The following SYNE2 variants were observed in gnomAD, a reference collection of about 807,000 sequenced individuals.
SYNE2 encodes the protein spectrin repeat containing nuclear envelope protein 2, also known as nesprin-2.
Under a neutral mutation model 856.3 loss-of-function variants are expected in SYNE2, and 431 were observed. The observed-to-expected ratio is 0.50, with a 90% CI of 0.47 to 0.55. The LOEUF is 0.55. SYNE2 is among the 20% of genes least tolerant of loss of function. The pLI, the probability that SYNE2 is intolerant of heterozygous loss-of-function variation, is 0.00. For missense variants in SYNE2, 8,129 were observed against 8,023.2 expected, an observed-to-expected ratio of 1.01 and a Z score of -0.50; for synonymous variants, 2,923 against 2,872.3, an observed-to-expected ratio of 1.02 and a Z score of -0.56.
At chr14:63,776,035 C>T (rs1194899213) in intron 1 of SYNE2, among the ~76,000 whole-genome samples, 1 of 152,152 alleles carries the variant, frequency 6.6e-6, no homozygotes, top group Admixed American at 6.6e-5. Context: ...TCTTAATTCA[C>T]TGGAGACTTT....
At chr14:64,219,437 G>C in intron 110 of SYNE2, 27 bp downstream of exon 110, 1 of 1,610,264 alleles carries the variant, frequency 6.2e-7, no homozygotes, top group African/African-American at 1.3e-5. Flanking sequence ...GTGGGGAAGA[G>C]GGATTCAGAA....
In SYNE2 at chr14:64,075,928, T is replaced by A. The variant is rs763741247; in HGVS notation, c.10867-17T>A. On this transcript the variant is annotated splice_polypyrimidine_tract_variant and intron_variant, in intron 53 of 115. Coordinates refer to ENST00000555002, the MANE Select transcript of SYNE2 (RefSeq NM_182914.3). ...CCCCCAGTCTCGTGAGTATTGCAAC[T>A]CTCTTAATGCTTTTAGGAGCTTCAA... The A allele has an allele frequency of 6.2e-7, 1 of 1,613,310 alleles. No individual in the cohort carries two copies. Among genetic ancestry groups the A allele is most frequent in the Admixed American group, 1.7e-5 (1 of 60,022 alleles).
Position 64,004,455 on chromosome 14 carries a change from C to T in SYNE2, c.4397+1125C>T, listed in dbSNP as rs187044114. ...AGGCGATTCTTCTACCTCAGCCCCC[C>T]AGTAGCTGGGATTACAGGCACGCGC... On this transcript the variant is annotated intron_variant, in intron 30 of 115. Transcript: ENST00000555002. 6.7e-5 allele frequency among the ~76,000 whole-genome samples: 10 copies of T among 150,362 alleles called. 1 individual carries two copies. The highest frequency in any genetic ancestry group is 7.2e-3 in the Middle Eastern group (2 of 278).
chr14:64,161,795 A>G (rs1483095191), intron 87 of SYNE2, among the ~76,000 whole-genome samples: 1 of 152,184 alleles, frequency 6.6e-6, no homozygotes, highest in Non-Finnish European at 1.5e-5. Context: ...CTCTTAAAAA[A>G]AGAGAGTGAA....
intron 11 of SYNE2, among the ~76,000 whole-genome samples, chr14:63,970,328 A>G (rs1271383923): frequency 1.3e-5 from 2 of 152,154 alleles, no homozygotes; most frequent in African/African-American, 4.8e-5. Context: ...AGCTGAGACA[A>G]CTGGTGTGTG....
chr14:64,055,367 CT>C (rs35956880), intron 48 of SYNE2, among the ~76,000 whole-genome samples: 1,964 of 131,874 alleles, frequency 0.015, 18 homozygotes, highest in African/African-American at 0.049. Context: ...CTGAAAATAA[CT>C]TTTTTTTTTT....
At chr14:64,221,939 A>G (rs372209286) in intron 112 of SYNE2, among the ~76,000 whole-genome samples, 2 of 152,132 alleles carry the variant, frequency 1.3e-5, no homozygotes, top group East Asian at 3.8e-4. Context: ...AACTGAGGAC[A>G]TAGGTGCTCT....
At chr14:64,100,667 A>T (rs763146919) in intron 63 of SYNE2, among the ~76,000 whole-genome samples, 209 of 145,744 alleles carry the variant, frequency 1.4e-3, no homozygotes, top group Non-Finnish European at 2.0e-3. Flanking sequence ...CTCACATACC[A>T]TTTTTTTTTG....
chr14:63,956,489 G>A (rs1240651436), intron 8 of SYNE2: 1 of 455,470 alleles, frequency 2.2e-6, no homozygotes, highest in East Asian at 7.0e-5. Flanking sequence ...GAGTCAGCTA[G>A]TTCCAGCACA....
intron 83 of SYNE2, among the ~76,000 whole-genome samples, chr14:64,145,646 T>A (rs2098178263): frequency 6.6e-6 from 1 of 152,016 alleles, no homozygotes; most frequent in African/African-American, 2.4e-5. Flanking sequence ...TTAAAGACAA[T>A]GATTATTTTA....
chr14:63,943,441 C>G (rs1055878203), intron 6 of SYNE2, among the ~76,000 whole-genome samples: 1 of 151,866 alleles, frequency 6.6e-6, no homozygotes, highest in Non-Finnish European at 1.5e-5. Flanking sequence ...TTTAGAAAAA[C>G]TAGAAAAATA....
chr14:64,051,685 T>C lies in SYNE2; in HGVS notation c.7772T>C (p.Met2591Thr), dbSNP rs781391751. ...AATTTATCAAACCACGTGACTGACA[T>C]GGATAAGAAATTGTTGGAAAGCCAG... The part of the protein sequence containing the change: ...WENLSNHVTD[M>T]DKKLLESQIK... Residue 2591 changes from methionine to threonine, a missense_variant, in exon 48 of 116, where the codon ATG becomes ACG. This residue lies in a region of SYNE2 where 5,410 missense variants were observed against 5,284.8 expected (regional missense o/e 1.02). Coordinates refer to ENST00000555002, the MANE Select transcript of SYNE2 (RefSeq NM_182914.3). 1.2e-6 allele frequency: 2 copies of C among 1,614,104 alleles called. No homozygotes were observed. The highest frequency in any genetic ancestry group is 1.7e-5 in the Admixed American group (1 of 60,006).
intron 45 of SYNE2, among the ~76,000 whole-genome samples, chr14:64,041,040 G>A (rs2097144694): frequency 1.8e-4 from 27 of 152,048 alleles, no homozygotes; most frequent in Admixed American, 1.8e-3. Flanking sequence ...AAGTCAGAAG[G>A]CAGTGCAAAT....
At chr14:63,864,012 G>C (rs980896523) in intron 1 of SYNE2, among the ~76,000 whole-genome samples, 1 of 152,010 alleles carries the variant, frequency 6.6e-6, no homozygotes, top group African/African-American at 2.4e-5. Context: ...TCGTAGAAAC[G>C]GGGTTAGCCA....
chr14:64,187,149 T>C (rs1423637753), intron 97 of SYNE2, among the ~76,000 whole-genome samples: 1 of 152,242 alleles, frequency 6.6e-6, no homozygotes, highest in Non-Finnish European at 1.5e-5. Flanking sequence ...AATAGAGTAT[T>C]ACACGGTATA....
chr14:63,998,531 T>C (rs1237116155), intron 26 of SYNE2, among the ~76,000 whole-genome samples: 1 of 152,230 alleles, frequency 6.6e-6, no homozygotes, highest in Non-Finnish European at 1.5e-5. Flanking sequence ...TTTCTTATTT[T>C]TTTGTTTGTT....
rs116085962 is a variant in SYNE2, at chr14:64,216,227, G to C, written c.19403-21G>C. 1.7e-4 allele frequency: 278 copies of C among 1,613,824 alleles called. No individual in the cohort carries two copies. The African/African-American group carries it at 3.3e-3, about 19-fold the overall frequency. On this transcript the variant is annotated intron_variant, in intron 107 of 115. Transcript: ENST00000555002. ...GTTCAGTAGGAGAGAATAGACTGTCGCTTGCTGTCTTTCGTTTCAGGTAAA... is the reference window on the plus strand; with the variant it reads ...GTTCAGTAGGAGAGAATAGACTGTCCCTTGCTGTCTTTCGTTTCAGGTAAA...
At chr14:63,831,164 T>C (rs950431460) in intron 1 of SYNE2, among the ~76,000 whole-genome samples, 3 of 152,036 alleles carry the variant, frequency 2.0e-5, no homozygotes, top group Admixed American at 1.3e-4. Context: ...TTTGAATCTC[T>C]ATTTTGGCGA....
chr14:64,044,437 T>G (rs1239675244), intron 45 of SYNE2, among the ~76,000 whole-genome samples: 1 of 152,198 alleles, frequency 6.6e-6, no homozygotes, highest in Admixed American at 6.5e-5. Flanking sequence ...TGTCTCAGAT[T>G]ACACTTTTGA....
Sources: allele counts gnomAD v4.1 joint callset (sites outside exome capture counted in the v4.1 genomes callset), GRCh38; gene constraint gnomAD v4.1.1; regional missense constraint gnomAD v4.1.1; transcripts MANE v1.5; gene names NCBI Gene and HGNC (gene_info 2026-07-23, HGNC 2026-07-21).